Variants in CSMD1 observed in about 807,000 individuals in gnomAD.
CSMD1 encodes CUB and Sushi multiple domains 1.
A neutral mutation model predicts 417.5 loss-of-function variants in CSMD1; 213 were observed. The ratio of observed to expected loss-of-function variants is 0.51; its 90% CI spans 0.46 to 0.57. The LOEUF (loss-of-function observed/expected upper bound fraction) is 0.57. Among genes scored for constraint, CSMD1 ranks in the 20% least tolerant of loss-of-function variants. The pLI is 0.00. For synonymous variants in CSMD1, 2,862 were observed against 1,736.8 expected (o/e 1.65, Z -16.11); for missense variants, 6,923 against 4,529.7 (o/e 1.53, Z -15.17).
chr8:4,167,787 T>A (rs1236332537), intron 3 of CSMD1, among the ~76,000 whole-genome samples: 1 of 152,086 alleles, frequency 6.6e-6, no homozygotes, highest in Non-Finnish European at 1.5e-5. Context: ...TTCAGGAGTT[T>A]GAGACTAGCC....
At chr8:4,345,742 G>C (rs1357603942) in intron 3 of CSMD1, among the ~76,000 whole-genome samples, 2 of 151,976 alleles carry the variant, frequency 1.3e-5, no homozygotes, top group East Asian at 3.9e-4. Flanking sequence ...ATGCAAATCA[G>C]AACTATAATG....
chr8:4,115,003 T>C (rs1162207972), intron 3 of CSMD1, among the ~76,000 whole-genome samples: 2 of 152,184 alleles, frequency 1.3e-5, no homozygotes, highest in African/African-American at 4.8e-5. Context: ...TATAGAAACC[T>C]AGTTGATAAT....
At chr8:3,523,272 C>T (rs1256238024) in intron 10 of CSMD1, among the ~76,000 whole-genome samples, 2 of 152,110 alleles carry the variant, frequency 1.3e-5, no homozygotes, top group Non-Finnish European at 2.9e-5. Flanking sequence ...TAAAATAAAG[C>T]CTACATAAGA....
chr8:4,375,575 T>TGAAGACTCCTACTGAGGAA, intron 3 of CSMD1, among the ~76,000 whole-genome samples: 1 of 152,238 alleles, frequency 6.6e-6, no homozygotes, highest in Non-Finnish European at 1.5e-5. Flanking sequence ...GCATTTCAAC[T>TGAAGACTCCTACTGAGGAA]GAAGACTCCT....
chr8:4,553,439 A>ATT (rs34779117), intron 2 of CSMD1, among the ~76,000 whole-genome samples: 5,629 of 139,456 alleles, frequency 0.04, 159 homozygotes, highest in Non-Finnish European at 0.059. Flanking sequence ...CTGAAAAAGA[A>ATT]TTTTTTTTTT....
intron 1 of CSMD1, among the ~76,000 whole-genome samples, chr8:4,682,955 C>CATAT (rs10566841): frequency 0.054 from 6,394 of 117,846 alleles, 177 homozygotes; most frequent in Non-Finnish European, 0.067. Flanking sequence ...TAAGTATCTT[C>CATAT]ATATATATAT....
chr8:4,743,139 A>G (rs1246443267), intron 1 of CSMD1, among the ~76,000 whole-genome samples: 1 of 152,208 alleles, frequency 6.6e-6, no homozygotes, highest in African/African-American at 2.4e-5. Context: ...AAATAACCAA[A>G]CTTTTAACAG....
At chr8:4,917,443 G>C (rs953004367) in intron 1 of CSMD1, among the ~76,000 whole-genome samples, 2 of 152,086 alleles carry the variant, frequency 1.3e-5, no homozygotes, top group Non-Finnish European at 1.5e-5. Context: ...GACCACCCTG[G>C]CTAACACGGT....
At chr8:3,924,909 C>A (rs941459069) in intron 5 of CSMD1, among the ~76,000 whole-genome samples, 2 of 152,056 alleles carry the variant, frequency 1.3e-5, no homozygotes, top group Non-Finnish European at 2.9e-5. Context: ...TATTTTGGTA[C>A]CATTATATTT....
chr8:4,129,777 T>C (rs948725358), intron 3 of CSMD1, among the ~76,000 whole-genome samples: 1 of 152,150 alleles, frequency 6.6e-6, no homozygotes, highest in African/African-American at 2.4e-5. Flanking sequence ...TCTTCAACAA[T>C]TTAATTTTCT....
intron 3 of CSMD1, among the ~76,000 whole-genome samples, chr8:4,158,125 G>T (rs759802447): frequency 1.3e-5 from 2 of 148,502 alleles, no homozygotes; most frequent in East Asian, 2.0e-4. Context: ...TAAGATCCCT[G>T]CAGTCCCTGA....
intron 38 of CSMD1, among the ~76,000 whole-genome samples, chr8:3,159,589 T>C (rs1292486372): frequency 3.9e-5 from 6 of 152,208 alleles, no homozygotes; most frequent in Non-Finnish European, 8.8e-5. Flanking sequence ...TATTAAAGTG[T>C]TAGTAAAATT....
At chr8:4,828,998 G>A (rs775712914) in intron 1 of CSMD1, among the ~76,000 whole-genome samples, 9 of 152,104 alleles carry the variant, frequency 5.9e-5, no homozygotes, top group Non-Finnish European at 7.4e-5. Context: ...TATCAAAACT[G>A]CACTAATTAT....
At chr8:4,593,824 G>C (rs1585302628) in intron 2 of CSMD1, among the ~76,000 whole-genome samples, 2 of 152,168 alleles carry the variant, frequency 1.3e-5, no homozygotes, top group African/African-American at 4.8e-5. Context: ...AGCTTCTAGA[G>C]AATGGAGCAG....
chr8:4,486,991 C>A (rs987196473), intron 2 of CSMD1, among the ~76,000 whole-genome samples: 2 of 152,116 alleles, frequency 1.3e-5, no homozygotes, highest in Non-Finnish European at 2.9e-5. Flanking sequence ...CTACACACGC[C>A]TTCCACATCG....
chr8:4,833,911 TCACCACC>T (rs1800299314), intron 1 of CSMD1, among the ~76,000 whole-genome samples: 1 of 152,186 alleles, frequency 6.6e-6, no homozygotes, highest in African/African-American at 2.4e-5. Context: ...GGATTGGTGT[TCACCACC>T]CACCTCCTTG....
chr8:4,489,753 T>G (rs1382734784), intron 2 of CSMD1, among the ~76,000 whole-genome samples: 1 of 152,120 alleles, frequency 6.6e-6, no homozygotes, highest in East Asian at 1.9e-4. Flanking sequence ...GCTGCCGCGG[T>G]GTGAGATGTT....
intron 23 of CSMD1, among the ~76,000 whole-genome samples, chr8:3,315,530 G>C (rs146528109): frequency 2.6e-5 from 4 of 151,676 alleles, no homozygotes; most frequent in African/African-American, 7.3e-5. Context: ...TTCAAATTGA[G>C]TCCTCTTGTT....
intron 3 of CSMD1, among the ~76,000 whole-genome samples, chr8:4,415,962 G>A (rs916112413): frequency 1.1e-4 from 17 of 152,170 alleles, no homozygotes; most frequent in South Asian, 6.2e-4. Context: ...ATGGGATCTC[G>A]GGAAACTAAA....
Sources: gnomAD v4.1 joint callset for allele counts (sites outside exome capture counted in the v4.1 genomes callset) on GRCh38, gnomAD v4.1.1 for gene constraint, MANE v1.5 for transcripts, NCBI Gene and HGNC (gene_info 2026-07-23, HGNC 2026-07-21) for gene names.